NCS1: variants seen among roughly 807,000 people sequenced by gnomAD.
The protein encoded by NCS1 is frequenin homolog.
Under a neutral mutation model 28.4 loss-of-function variants are expected in NCS1, and 6 were observed. That is an observed-to-expected ratio of 0.21 (90% confidence interval 0.12 to 0.42). The LOEUF (loss-of-function observed/expected upper bound fraction) is 0.42, where lower values mean the gene tolerates loss of function less well. Among genes scored for constraint, NCS1 ranks in the 10% least tolerant of loss-of-function variants. The pLI, the probability that NCS1 is intolerant of heterozygous loss-of-function variation, is 1.00. For missense variants in NCS1, 131 were observed against 241.4 expected, an observed-to-expected ratio of 0.54 and a Z score of 3.03; for synonymous variants, 86 against 99.3, an observed-to-expected ratio of 0.87 and a Z score of 0.79.
chr9:130,231,138 C>T (rs1833496256), intron 7 of NCS1, among the ~76,000 whole-genome samples: 1 of 151,808 alleles, frequency 6.6e-6, no homozygotes, highest in African/African-American at 2.4e-5. Flanking sequence ...ATCACTTGAG[C>T]CAAAGAGTTC....
At chr9:130,207,254 G>A (rs1370474942) in intron 2 of NCS1, among the ~76,000 whole-genome samples, 1 of 152,220 alleles carries the variant, frequency 6.6e-6, no homozygotes, top group Non-Finnish European at 1.5e-5. Context: ...AAATGGGACA[G>A]CCCCTCTGTG....
chr9:130,182,715 C>T (rs1011454186), intron 1 of NCS1, among the ~76,000 whole-genome samples: 10 of 152,218 alleles, frequency 6.6e-5, no homozygotes, highest in South Asian at 2.1e-4. Context: ...GTCATCCTCC[C>T]GCCCTGGGAA....
rs1186402201 is a variant in NCS1, at chr9:130,237,127, A to G, written c.*4155A>G. The G allele has an allele frequency of 6.6e-6, 1 of 151,982 alleles. No homozygotes were observed. The highest frequency in any genetic ancestry group is 1.9e-4 in the East Asian group (1 of 5,154). 9.4% of individuals were successfully genotyped at this position (151,982 alleles called of 1,614,324 possible). ...CTGCTTGCCTCCCCAGCCCCCTTTG[A>G]GTCTCTTTTTGGGGTGCCGTCCTGT... On this transcript the variant is annotated 3_prime_UTR_variant, in exon 8 of 8. Transcript: ENST00000372398.
intron 2 of NCS1, among the ~76,000 whole-genome samples, chr9:130,211,721 C>T (rs368838456): frequency 3.3e-5 from 5 of 152,086 alleles, no homozygotes; most frequent in East Asian, 3.9e-4. Context: ...GTGAGCCTGA[C>T]GTTAACTGAG....
At chr9:130,229,646 A>C (rs1833471345) in intron 7 of NCS1, among the ~76,000 whole-genome samples, 1 of 152,172 alleles carries the variant, frequency 6.6e-6, no homozygotes, top group Non-Finnish European at 1.5e-5. Context: ...CCTCTTTTGC[A>C]AATCACCATG....
intron 1 of NCS1, among the ~76,000 whole-genome samples, chr9:130,182,787 G>T (rs1410818207): frequency 6.6e-6 from 1 of 152,242 alleles, no homozygotes; most frequent in African/African-American, 2.4e-5. Flanking sequence ...GGGAAGCCTT[G>T]TCACGGACAA....
chr9:130,178,828 T>G lies in NCS1; in HGVS notation c.64+6101T>G, dbSNP rs566829818. ...ATTTAGGAGGAAGACTCAGTAGGAC[T>G]TGGTTTCCCTCCCCTCCCCTCCCCT... On this transcript the variant is annotated intron_variant, in intron 1 of 7. Transcript: ENST00000372398. 4.8e-5 allele frequency among the ~76,000 whole-genome samples: 5 copies of G among 104,036 alleles called. No homozygotes were observed. In the South Asian group the frequency reaches 2.0e-3, roughly 41 times the overall value. 68.3% of individuals were successfully genotyped at this position (104,036 alleles called of 152,430 possible).
chr9:130,226,323 G>T lies in NCS1; in HGVS notation c.475-66G>T. The stretch of plus-strand genomic sequence containing the variant: ...GAAGGGCTCTTGGGACCGGCCCTGG[G>T]CTGGGCTTGTCTAGAGCCCTCTCCT... On this transcript the variant is annotated intron_variant, in intron 6 of 7. Coordinates refer to ENST00000372398, the MANE Select transcript of NCS1 (RefSeq NM_014286.4). The surrounding 1 kb of genome is among the most constrained non-coding windows in gnomAD (Gnocchi z 4.8). 7.8e-6 allele frequency: 11 copies of T among 1,402,882 alleles called. No individual in the cohort carries two copies. The South Asian group carries it at 1.2e-4, about 15-fold the overall frequency. 86.9% of individuals were successfully genotyped at this position (1,402,882 alleles called of 1,614,324 possible).
chr9:130,183,073 C>T (rs1185311917), intron 1 of NCS1, among the ~76,000 whole-genome samples: 1 of 152,196 alleles, frequency 6.6e-6, no homozygotes, highest in Non-Finnish European at 1.5e-5. Context: ...TTTTTCCCTG[C>T]AGTGCTGTGG....
At chr9:130,207,607 C>T (rs1478203269) in intron 2 of NCS1, among the ~76,000 whole-genome samples, 1 of 152,250 alleles carries the variant, frequency 6.6e-6, no homozygotes, top group Non-Finnish European at 1.5e-5. Context: ...TTAAGTGATT[C>T]TGTGATTTGT....
chr9:130,235,346 G>C lies in NCS1; in HGVS notation c.*2374G>C, dbSNP rs2131168304. On this transcript the variant is annotated 3_prime_UTR_variant, in exon 8 of 8. Coordinates refer to ENST00000372398, the MANE Select transcript of NCS1 (RefSeq NM_014286.4). ...TGGTGGCTTTGGGCTGAGAGGATGA[G>C]GGAGGTCTTTCCCAGGTCAAATTAC... 1 of 152,668 alleles carries C rather than the reference G, an allele frequency of 6.6e-6. No individual in the cohort carries two copies. Among genetic ancestry groups the C allele is most frequent in the Non-Finnish European group, 1.5e-5 (1 of 68,290 alleles). 9.5% of individuals were successfully genotyped at this position (152,668 alleles called of 1,614,324 possible). A position where few individuals can be genotyped will look rare whatever the true frequency, so the allele number is the denominator to read the frequency against.
chr9:130,185,761 G>T (rs532241323), intron 1 of NCS1, among the ~76,000 whole-genome samples: 4 of 152,246 alleles, frequency 2.6e-5, no homozygotes, highest in African/African-American at 9.6e-5. Context: ...AGAGCTCAAA[G>T]CCTGCACTGG....
Position 130,191,187 on chromosome 9 carries a change from C to A in NCS1, c.65-9771C>A, listed in dbSNP as rs1832812222. Among the ~76,000 whole-genome samples, 1 of 152,190 alleles carries A rather than the reference C, an allele frequency of 6.6e-6. No individual in the cohort carries two copies. Among genetic ancestry groups the A allele is most frequent in the Non-Finnish European group, 1.5e-5 (1 of 68,026 alleles). On this transcript the variant is annotated intron_variant, in intron 1 of 7. Coordinates refer to ENST00000372398, the MANE Select transcript of NCS1 (RefSeq NM_014286.4). This position sits in a 1 kb window ranked among gnomAD's most constrained non-coding sequence, Gnocchi z 6.4. The stretch of plus-strand genomic sequence containing the variant: ...CGTGGCGACTGGATAGTTGGTAGAC[C>A]CATCTGTGCAAAGGCCCTGGGTGAT...
chr9:130,222,690 C>T lies in NCS1; in HGVS notation c.348C>T (p.Ile116=). ...KLYDLDNDGY[I]TRNEMLDIVD... ...ACGACTTGGACAATGATGGCTACAT[C>T]ACCAGGAATGAGATGCTGGACATTG... The change falls in exon 5 of 8, where the codon ATC becomes ATT. Residue 116 remains isoleucine, a synonymous_variant. Transcript: ENST00000372398. 1.9e-6 allele frequency: 3 copies of T among 1,614,078 alleles called. No individual in the cohort carries two copies. Among genetic ancestry groups the T allele is most frequent in the Non-Finnish European group, 2.5e-6 (3 of 1,180,026 alleles).
intron 7 of NCS1, among the ~76,000 whole-genome samples, chr9:130,230,373 T>C (rs970757668): frequency 2.6e-4 from 40 of 151,976 alleles, no homozygotes; most frequent in African/African-American, 9.7e-4. Context: ...AAACAAATTA[T>C]CTGTTATGGA....
At chr9:130,182,058 G>C (rs1554905183) in intron 1 of NCS1, among the ~76,000 whole-genome samples, 1 of 151,990 alleles carries the variant, frequency 6.6e-6, no homozygotes, top group African/African-American at 2.4e-5. Flanking sequence ...ATTGTGGTTG[G>C]GGGGAGATGA....
rs1160701664 is a variant in NCS1, at chr9:130,180,659, G to A, written c.64+7932G>A. ...ATCCTGGCCAGCTCCTTACGTCTCT[G>A]AGCTCTGAGGTCCCTTGCGCATGAG... On this transcript the variant is annotated intron_variant, in intron 1 of 7. Coordinates refer to ENST00000372398, the MANE Select transcript of NCS1 (RefSeq NM_014286.4). The surrounding 1 kb of genome is among the most constrained non-coding windows in gnomAD (Gnocchi z 4.5). Among the ~76,000 whole-genome samples, 1 of 152,146 alleles carries A rather than the reference G, an allele frequency of 6.6e-6. No individual in the cohort carries two copies. The highest frequency in any genetic ancestry group is 2.4e-5 in the African/African-American group (1 of 41,426).
chr9:130,219,685 G>C lies in NCS1; in HGVS notation c.229-40G>C, dbSNP rs782171456. The stretch of plus-strand genomic sequence containing the variant: ...AGGTTCAGCCTGACCCGGTGGCCTG[G>C]CCGGCACTGACTGAGGCAATCCCCT... On this transcript the variant is annotated intron_variant, in intron 3 of 7. Coordinates refer to ENST00000372398, the MANE Select transcript of NCS1 (RefSeq NM_014286.4). The surrounding 1 kb of genome is among the most constrained non-coding windows in gnomAD (Gnocchi z 5.7). 1.0e-5 allele frequency: 16 copies of C among 1,602,878 alleles called. No homozygotes were observed.
intron 1 of NCS1, among the ~76,000 whole-genome samples, chr9:130,195,304 T>G (rs1554906712): frequency 6.6e-6 from 1 of 152,156 alleles, no homozygotes; most frequent in African/African-American, 2.4e-5. Context: ...CTGTGCCCCC[T>G]TGGTCAGACC....
Sources: allele counts gnomAD v4.1 joint callset (sites outside exome capture counted in the v4.1 genomes callset), GRCh38; gene constraint gnomAD v4.1.1; non-coding constraint Gnocchi (gnomAD v3.1); transcripts MANE v1.5; gene names NCBI Gene and HGNC (gene_info 2026-07-23, HGNC 2026-07-21).